Variants in PDRG1 observed in about 807,000 individuals in gnomAD.
PDRG1 encodes p53 and DNA damage regulated 1.
PDRG1 carries 14 observed loss-of-function variants against 18.4 expected under a neutral mutation model. The observed-to-expected ratio is 0.76, with a 90% CI of 0.50 to 1.19. PDRG1 has a LOEUF of 1.19. PDRG1 is among the 50% of genes most tolerant of loss of function. PDRG1 has a pLI of 0.00. For missense variants in PDRG1, 177 were observed against 160.1 expected, an observed-to-expected ratio of 1.11 and a Z score of -0.57; for synonymous variants, 65 against 60.9, an observed-to-expected ratio of 1.07 and a Z score of -0.31.
chr20:31,946,318 C>T (rs2064318252), intron 4 of PDRG1, among the ~76,000 whole-genome samples, 178 bp downstream of exon 4: 1 of 152,156 alleles, frequency 6.6e-6, no homozygotes, highest in Non-Finnish European at 1.5e-5. Flanking sequence ...GTAGAAGTCC[C>T]CCTGTCCATT....
chr20:31,948,795 C>T lies in PDRG1; in HGVS notation c.238+13G>A. The T allele has an allele frequency of 4.3e-6, 7 of 1,611,968 alleles. No homozygotes were observed. Among genetic ancestry groups the T allele is most frequent in the Non-Finnish European group, 5.9e-6 (7 of 1,178,744 alleles). On this transcript the variant is annotated intron_variant, in intron 3 of 4. Coordinates refer to ENST00000202017, the MANE Select transcript of PDRG1 (RefSeq NM_030815.3). ...AGGCAGCACACCCCTGACCCATCCC[C>T]AGGAGGCCTTACCTTTTTCAATCAT... is the stretch of plus-strand genomic sequence containing the variant.
At chr20:31,950,674 C>A (rs927260441) in intron 1 of PDRG1, among the ~76,000 whole-genome samples, 14 of 152,068 alleles carry the variant, frequency 9.2e-5, no homozygotes, top group African/African-American at 3.4e-4. Flanking sequence ...ATCAGAATCA[C>A]CAGGGGAGTG....
Position 31,945,095 on chromosome 20 carries a change from AG to A in PDRG1, c.*711del. The A allele has an allele frequency of 6.6e-6, 1 of 152,310 alleles. No individual in the cohort carries two copies. The highest frequency in any genetic ancestry group is 1.9e-4 in the East Asian group (1 of 5,186). 9.4% of individuals were successfully genotyped at this position (152,310 alleles called of 1,614,324 possible). A position where few individuals can be genotyped will look rare whatever the true frequency, so the allele number is the denominator to read the frequency against. ...AGTGCTGGCCGGGCCCCACTTTCAG[AG>A]GGGGCGGAAGGGCATCTTGACACGT... On this transcript the variant is annotated 3_prime_UTR_variant, in exon 5 of 5. Transcript: ENST00000202017.
Position 31,951,855 on chromosome 20 carries a change from G to T in PDRG1, c.87+20C>A. 6.4e-7 allele frequency: 1 copy of T among 1,552,610 alleles called. No homozygotes were observed. The highest frequency in any genetic ancestry group is 8.7e-7 in the Non-Finnish European group (1 of 1,152,336). On this transcript the variant is annotated intron_variant, in intron 1 of 4. Coordinates refer to ENST00000202017, the MANE Select transcript of PDRG1 (RefSeq NM_030815.3). ...ACGGCGCCGGCCGCCAGGCCCCAGC[G>T]CCGCGGAGGGGCCTCTCACCTGCCG... is the stretch of plus-strand genomic sequence containing the variant.
rs944807800 is a variant in PDRG1 at position 31,945,597 on chromosome 20, C to T, written c.*210G>A. 3 of 503,102 alleles carry T rather than the reference C, an allele frequency of 6.0e-6. No individual in the cohort carries two copies. In the Admixed American group the frequency reaches 1.1e-4, roughly 18 times the overall value. 31.2% of individuals were successfully genotyped at this position (503,102 alleles called of 1,614,324 possible). On this transcript the variant is annotated 3_prime_UTR_variant, in exon 5 of 5. Coordinates refer to ENST00000202017, the MANE Select transcript of PDRG1 (RefSeq NM_030815.3). ...CAATAGATCTTGTGTCCACCGAGCC[C>T]TGGTGTCCAGGTCCAGCAGCCAGAC...
chr20:31,945,945 G>T, intron 4 of PDRG1, 56 bp from the exon 5 acceptor site: 1 of 1,483,694 alleles, frequency 6.7e-7, no homozygotes, highest in Non-Finnish European at 9.4e-7. Context: ...TCTGGAGCCA[G>T]GCCCAGGAAA....
At position 31,945,787 on chromosome 20, in the gene PDRG1, C is replaced by G. The variant is rs2064311828; in HGVS notation, c.*20G>C. The G allele has an allele frequency of 1.2e-6, 2 of 1,603,298 alleles. No individual in the cohort carries two copies. Among genetic ancestry groups the G allele is most frequent in the African/African-American group, 1.3e-5 (1 of 74,632 alleles). On this transcript the variant is annotated 3_prime_UTR_variant, in exon 5 of 5. Coordinates refer to ENST00000202017, the MANE Select transcript of PDRG1 (RefSeq NM_030815.3). ...CATGACCCTGGGGGGTTGCTGGTCCCCCATCTTGGTTCTTGAGTCTCATCC... is the reference window on the plus strand; with the variant it reads ...CATGACCCTGGGGGGTTGCTGGTCCGCCATCTTGGTTCTTGAGTCTCATCC...
chr20:31,946,798 T>G (rs2064322069), intron 3 of PDRG1, among the ~76,000 whole-genome samples: 2 of 152,360 alleles, frequency 1.3e-5, no homozygotes, highest in South Asian at 4.1e-4. Flanking sequence ...CCCATTACAC[T>G]GGCCTTTTCT....
In PDRG1 at chr20:31,951,966, C is replaced by G; in HGVS notation, c.-5G>C. On this transcript the variant is annotated 5_prime_UTR_variant, in exon 1 of 5. Transcript: ENST00000202017. ...CTCTGCCTCGGGTGATAGCATAGCG[C>G]CCACCAACTCCGCTTGCGGCTCTCG... 7 of 1,554,940 alleles carry G rather than the reference C, an allele frequency of 4.5e-6. No homozygotes were observed. Among genetic ancestry groups the G allele is most frequent in the Non-Finnish European group, 6.1e-6 (7 of 1,153,428 alleles).
rs867545839 is a variant in PDRG1, at chr20:31,951,939, C to A, written c.23G>T (p.Arg8Leu). MLSPEAE[R>L]VLRYLVEVEE... ...CACTTCTACAAGGTACCGCAGCACT[C>A]GCTCTGCCTCGGGTGATAGCATAGC... The change falls in exon 1 of 5, where the codon CGA (arginine) becomes CTA (leucine). Residue 8 changes from arginine (R) to leucine (L), a missense_variant. Transcript: ENST00000202017. 6.3e-7 allele frequency: 1 copy of A among 1,581,942 alleles called. No homozygotes were observed. Among genetic ancestry groups the A allele is most frequent in the Non-Finnish European group, 8.6e-7 (1 of 1,165,268 alleles).
chr20:31,946,619 G>T, intron 3 of PDRG1, 43 bp from the exon 4 acceptor site: 1 of 1,534,038 alleles, frequency 6.5e-7, no homozygotes, highest in Non-Finnish European at 9.0e-7. Flanking sequence ...GATTGTACCA[G>T]ACAGACTTGA....
intron 2 of PDRG1, among the ~76,000 whole-genome samples, chr20:31,950,074 T>A (rs2064342668): frequency 6.6e-6 from 1 of 152,226 alleles, no homozygotes; most frequent in Non-Finnish European, 1.5e-5. Context: ...GTGTCTGCCA[T>A]CGTTGATAAG....
rs1180135900 is a variant in PDRG1, at chr20:31,951,653, T to C, written c.87+222A>G. On this transcript the variant is annotated intron_variant, in intron 1 of 4. Transcript: ENST00000202017. The stretch of plus-strand genomic sequence containing the variant: ...CTCAGGGAAACGGCCCAGAGCATGA[T>C]GGGTCGAGATCCACAGAGCATGGCA... Among the ~76,000 whole-genome samples the C allele has an allele frequency of 3.3e-5, 5 of 152,130 alleles. No homozygotes were observed. The East Asian group carries it at 9.6e-4, about 29-fold the overall frequency.
At chr20:31,951,457 TAAAAC>T (rs995838378) in intron 1 of PDRG1, among the ~76,000 whole-genome samples, 9 of 151,986 alleles carry the variant, frequency 5.9e-5, no homozygotes, top group Admixed American at 6.5e-5. Context: ...ACTTGGCACT[TAAAAC>T]AAGACACCCC....
chr20:31,946,415 C>G, intron 4 of PDRG1, 81 bp downstream of exon 4: 2 of 1,321,350 alleles, frequency 1.5e-6, no homozygotes, highest in Non-Finnish European at 2.2e-6. Flanking sequence ...CTCTGAGGGT[C>G]GGACTTCCCA....
rs139924671 is a variant in PDRG1 at position 31,944,909 on chromosome 20, C to T, written c.*898G>A. 50 of 152,294 alleles carry T rather than the reference C, an allele frequency of 3.3e-4. No individual in the cohort carries two copies. Among genetic ancestry groups the T allele is most frequent in the African/African-American group, 9.6e-4 (40 of 41,556 alleles). 9.4% of individuals were successfully genotyped at this position (152,294 alleles called of 1,614,324 possible). ...ATAGGTTGTATTCTAAATGGAGTGG[C>T]GTGCCCTTACTGAAGGACTAGATGA... is the stretch of plus-strand genomic sequence containing the variant. On this transcript the variant is annotated 3_prime_UTR_variant, in exon 5 of 5. Coordinates refer to ENST00000202017, the MANE Select transcript of PDRG1 (RefSeq NM_030815.3).
chr20:31,951,866 G>A lies in PDRG1; in HGVS notation c.87+9C>T, dbSNP rs1292952138. 2.5e-6 allele frequency: 4 copies of A among 1,570,206 alleles called. No homozygotes were observed. The highest frequency in any genetic ancestry group is 1.2e-5 in the South Asian group (1 of 85,386). On this transcript the variant is annotated intron_variant, in intron 1 of 4. Transcript: ENST00000202017. ...CGCCAGGCCCCAGCGCCGCGGAGGG[G>A]CCTCTCACCTGCCGCTTGTCCGCCA... is the stretch of plus-strand genomic sequence containing the variant.
At chr20:31,947,886 T>C (rs568314867) in intron 3 of PDRG1, among the ~76,000 whole-genome samples, 8 of 151,738 alleles carry the variant, frequency 5.3e-5, no homozygotes, top group African/African-American at 1.9e-4. Context: ...CAAGACTCTG[T>C]CTCAAGGAAA....
chr20:31,944,988 C>A lies in PDRG1; in HGVS notation c.*819G>T, dbSNP rs2064299507. 6.6e-6 allele frequency: 1 copy of A among 152,212 alleles called. No homozygotes were observed. The highest frequency in any genetic ancestry group is 1.5e-5 in the Non-Finnish European group (1 of 68,044). 9.4% of individuals were successfully genotyped at this position (152,212 alleles called of 1,614,324 possible). On this transcript the variant is annotated 3_prime_UTR_variant, in exon 5 of 5. Coordinates refer to ENST00000202017, the MANE Select transcript of PDRG1 (RefSeq NM_030815.3). ...ATTCATTCAGCTAACATTTATTGAG[C>A]CCTTAATGAACACATAAGAGTTTTG...
Sources: allele counts gnomAD v4.1 joint callset (sites outside exome capture counted in the v4.1 genomes callset), GRCh38; gene constraint gnomAD v4.1.1; transcripts MANE v1.5; gene names NCBI Gene and HGNC (gene_info 2026-07-23, HGNC 2026-07-21).